MAP3K2: variants seen among roughly 807,000 people sequenced by gnomAD.
MAP3K2 encodes the protein mitogen-activated protein kinase kinase kinase 2, also known as MAP/ERK kinase kinase 2.
In MAP3K2, 24 loss-of-function variants were observed where a neutral mutation model predicts 80.3. That is an observed-to-expected ratio of 0.30 (90% CI 0.22 to 0.42). The LOEUF is 0.42. Ranked by LOEUF, MAP3K2 falls within the 10% of genes least tolerant of loss-of-function variation. The probability of loss-of-function intolerance (pLI) is 1.00; values close to 1 mark genes in which losing one functional copy is unlikely to be tolerated. For synonymous variants in MAP3K2, 244 were observed against 253.7 expected, an observed-to-expected ratio of 0.96 and a Z score of 0.36; for missense variants, 608 against 750.1, an observed-to-expected ratio of 0.81 and a Z score of 2.21.
intron 12 of MAP3K2, among the ~76,000 whole-genome samples, chr2:127,319,786 C>A (rs1211077716): frequency 6.6e-6 from 1 of 150,428 alleles, no homozygotes; most frequent in African/African-American, 2.5e-5. Context: ...TTGCGGTGAG[C>A]TGAGATCGCG....
chr2:127,318,406 T>A (rs1685950123), intron 12 of MAP3K2, 89 bp from the exon 13 acceptor site: 19 of 956,080 alleles, frequency 2.0e-5, no homozygotes, highest in Non-Finnish European at 2.5e-5. Flanking sequence ...ATTAGTGACA[T>A]CCTTCATTGA....
chr2:127,318,400 G>A (rs1009129626), intron 12 of MAP3K2, 83 bp from the exon 13 acceptor site: 10 of 1,016,992 alleles, frequency 9.8e-6, no homozygotes, highest in Non-Finnish European at 1.3e-5. Flanking sequence ...TACTGCATTA[G>A]TGACATCCTT....
chr2:127,316,906 G>C (rs145264922), intron 14 of MAP3K2: 2 of 152,246 alleles, frequency 1.3e-5, no homozygotes, highest in African/African-American at 4.8e-5. Context: ...ACTAAAATTA[G>C]AACGATACAG....
At position 127,307,824 on chromosome 2, in the gene MAP3K2, A is replaced by T. The variant is rs1440603823; in HGVS notation, c.1635-20T>A. The stretch of plus-strand genomic sequence containing the variant: ...ACACTCCTGAAAAGAAACAAAAAGA[A>T]ATACATTACACAAACAACAACATGA... On this transcript the variant is annotated intron_variant, in intron 16 of 16. Transcript: ENST00000682094. The surrounding 1 kb of genome is among the most constrained non-coding windows in gnomAD (Gnocchi z 5.4). 6.7e-7 allele frequency: 1 copy of T among 1,501,788 alleles called. No homozygotes were observed. Among genetic ancestry groups the T allele is most frequent in the Admixed American group, 1.9e-5 (1 of 51,596 alleles). 93.0% of individuals were successfully genotyped at this position (1,501,788 alleles called of 1,614,324 possible). A position where few individuals can be genotyped will look rare whatever the true frequency, so the allele number is the denominator to read the frequency against.
chr2:127,308,454 T>C, intron 16 of MAP3K2, 131 bp downstream of exon 16: 1 of 756,736 alleles, frequency 1.3e-6, no homozygotes, highest in Non-Finnish European at 2.1e-6. Flanking sequence ...AATATAGTGT[T>C]AATCTTCGCA....
chr2:127,328,252 G>C (rs560916028), intron 7 of MAP3K2, among the ~76,000 whole-genome samples: 1 of 152,326 alleles, frequency 6.6e-6, no homozygotes, highest in African/African-American at 2.4e-5. Context: ...TCCAGCCTGG[G>C]TGACGGAGTG....
intron 5 of MAP3K2, among the ~76,000 whole-genome samples, chr2:127,335,534 T>C (rs913116259): frequency 1.3e-5 from 2 of 152,226 alleles, no homozygotes; most frequent in Non-Finnish European, 2.9e-5. Flanking sequence ...CTCTGTCATC[T>C]GTAGCCAAGT....
chr2:127,388,084 G>A (rs533616109), upstream of MAP3K2: 7 of 983,992 alleles, frequency 7.1e-6, no homozygotes, highest in African/African-American at 1.8e-5. Flanking sequence ...AGGGGAGTGG[G>A]TCGGCGCCTG....
chr2:127,323,885 A>G lies in MAP3K2; in HGVS notation c.838+17T>C, dbSNP rs769138470. On this transcript the variant is annotated intron_variant, in intron 11 of 16. Transcript: ENST00000682094. ...GATTTTTTAACTATTCTTGTGGTCT[A>G]ATTGCTAGAAACTTACCATCATTAT... 4.0e-6 allele frequency: 5 copies of G among 1,251,220 alleles called. No homozygotes were observed. The highest frequency in any genetic ancestry group is 4.5e-6 in the Non-Finnish European group (4 of 894,936). The allele number at this position is 1,251,220 out of a possible 1,614,324, so 77.5% of individuals were successfully genotyped here.
In MAP3K2 at chr2:127,300,085, C is replaced by T. The variant is rs1331895795; in HGVS notation, c.*7494G>A. ...AACTCCTGAGTTCTTCAACAAAGAA[C>T]CATAGATAAGTATAGTTTGTAAAAG... On this transcript the variant is annotated 3_prime_UTR_variant, in exon 17 of 17. Transcript: ENST00000682094. 6.6e-6 allele frequency: 1 copy of T among 151,920 alleles called. No homozygotes were observed. Among genetic ancestry groups the T allele is most frequent in the African/African-American group, 2.4e-5 (1 of 41,358 alleles). The allele number at this position is 151,920 out of a possible 1,614,324, so 9.4% of individuals were successfully genotyped here.
In MAP3K2 at chr2:127,322,283, C is replaced by G; in HGVS notation, c.839-31G>C. 7.3e-7 allele frequency: 1 copy of G among 1,369,898 alleles called. No individual in the cohort carries two copies. The highest frequency in any genetic ancestry group is 1.8e-5 in the Admixed American group (1 of 54,666). The allele number at this position is 1,369,898 out of a possible 1,614,324, so 84.9% of individuals were successfully genotyped here. On this transcript the variant is annotated intron_variant, in intron 11 of 16. Transcript: ENST00000682094. The surrounding 1 kb of genome is among the most constrained non-coding windows in gnomAD (Gnocchi z 4.2). ...AAATGAAAAGAGAATGACCTTATAC[C>G]TTTTATTAATATGTTATACTTTTAA...
intron 1 of MAP3K2, among the ~76,000 whole-genome samples, chr2:127,359,723 T>A (rs1686853146): frequency 6.6e-6 from 1 of 152,156 alleles, no homozygotes; most frequent in Non-Finnish European, 1.5e-5. Flanking sequence ...GTGGTGTTCC[T>A]GAGATCTGGA....
In MAP3K2 at chr2:127,350,807, TAAGTC is replaced by T. The variant is rs970241454; in HGVS notation, c.-65-7618_-65-7614del. ...AAGCCAGCAGACAAAAAAAAAAGCT[TAAGTC>T]AAGTGATCCATGTTAATTAAGATCA... On this transcript the variant is annotated intron_variant, in intron 1 of 16. Coordinates refer to ENST00000682094, the MANE Select transcript of MAP3K2 (RefSeq NM_001371910.2). Among the ~76,000 whole-genome samples the T allele has an allele frequency of 4.9e-4, 74 of 151,510 alleles. 1 individual carries two copies. The highest frequency in any genetic ancestry group is 1.6e-3 in the African/African-American group (67 of 41,266).
At chr2:127,338,833 T>A in intron 3 of MAP3K2, 99 bp downstream of exon 3, 1 of 778,858 alleles carries the variant, frequency 1.3e-6, no homozygotes, top group East Asian at 2.7e-5. Flanking sequence ...AAATTCTTGA[T>A]TCGAAAGTGT....
intron 7 of MAP3K2, 119 bp from the exon 8 acceptor site, chr2:127,326,936 T>C (rs1435210456): frequency 3.3e-5 from 19 of 574,094 alleles, no homozygotes; most frequent in Non-Finnish European, 3.4e-5. Flanking sequence ...AATTCAATTT[T>C]TATTAAAACT....
rs759683938 is a variant in MAP3K2, at chr2:127,303,552, T to A, written c.*4027A>T. 6 of 152,168 alleles carry A rather than the reference T, an allele frequency of 3.9e-5. No individual in the cohort carries two copies. The highest frequency in any genetic ancestry group is 3.3e-4 in the Admixed American group (5 of 15,270). 9.4% of individuals were successfully genotyped at this position (152,168 alleles called of 1,614,324 possible). A position where few individuals can be genotyped will look rare whatever the true frequency, so the allele number is the denominator to read the frequency against. On this transcript the variant is annotated 3_prime_UTR_variant, in exon 17 of 17. Coordinates refer to ENST00000682094, the MANE Select transcript of MAP3K2 (RefSeq NM_001371910.2). ...GCCAATGATTACCTAAAATTGCTTT[T>A]CCCTTAATAAAAAATAACATTTTAA...
At chr2:127,325,040 A>G (rs1304297961) in intron 9 of MAP3K2, among the ~76,000 whole-genome samples, 1 of 152,234 alleles carries the variant, frequency 6.6e-6, no homozygotes, top group Non-Finnish European at 1.5e-5. Context: ...AACAGGTGAA[A>G]TAACTCAGGA....
chr2:127,343,522 G>A (rs1003967979), intron 1 of MAP3K2, among the ~76,000 whole-genome samples: 1 of 151,982 alleles, frequency 6.6e-6, no homozygotes, highest in Non-Finnish European at 1.5e-5. Context: ...TCCTAAGCAG[G>A]CCTTCTACAA....
At chr2:127,373,371 A>G (rs930393648) in intron 1 of MAP3K2, among the ~76,000 whole-genome samples, 4 of 152,220 alleles carry the variant, frequency 2.6e-5, no homozygotes, top group Non-Finnish European at 5.9e-5. Flanking sequence ...GATACAGACT[A>G]ATTTCTTGCT....
Sources: allele counts gnomAD v4.1 joint callset (sites outside exome capture counted in the v4.1 genomes callset), GRCh38; gene constraint gnomAD v4.1.1; non-coding constraint Gnocchi (gnomAD v3.1); transcripts MANE v1.5; gene names NCBI Gene and HGNC (gene_info 2026-07-23, HGNC 2026-07-21).